Variants in LTBP1 observed in about 807,000 individuals in gnomAD.
LTBP1 encodes the protein latent transforming growth factor beta binding protein 1.
LTBP1 carries 129 observed loss-of-function variants against 207.6 expected under a neutral mutation model. The observed-to-expected ratio is 0.62, with a 90% CI of 0.54 to 0.72. The LOEUF (loss-of-function observed/expected upper bound fraction) is 0.72. Among genes scored for constraint, LTBP1 ranks in the 30% least tolerant of loss-of-function variants. The pLI, the probability that LTBP1 is intolerant of heterozygous loss-of-function variation, is 0.00. For missense variants in LTBP1, 2,281 were observed against 2,217.2 expected (o/e 1.03, Z -0.58); for synonymous variants, 963 against 833.7 (o/e 1.16, Z -2.67).
Position 33,180,460 on chromosome 2 carries a change from T to G in LTBP1, c.1202-6396T>G, listed in dbSNP as rs1481571203. ...TTTTGTGTAGCGTGGCATAGTTTTT[T>G]TTTTTTTTTTTGACAGGGTCTCACT... On this transcript the variant is annotated intron_variant, in intron 5 of 33. Transcript: ENST00000404816. Among the ~76,000 whole-genome samples, 4 of 151,696 alleles carry G rather than the reference T, an allele frequency of 2.6e-5. 1 individual carries two copies. The highest frequency in any genetic ancestry group is 9.7e-5 in the African/African-American group (4 of 41,414).
At chr2:32,983,615 T>A (rs1683099716) in intron 2 of LTBP1, among the ~76,000 whole-genome samples, 1 of 152,208 alleles carries the variant, frequency 6.6e-6, no homozygotes, top group Non-Finnish European at 1.5e-5. Context: ...TGGTGGGAAG[T>A]AATTGAATCA....
intron 31 of LTBP1, among the ~76,000 whole-genome samples, chr2:33,385,007 T>A (rs1024131541): frequency 1.3e-5 from 2 of 152,234 alleles, no homozygotes; most frequent in South Asian, 2.1e-4. Flanking sequence ...TTCTCTTCTG[T>A]TAACTTATTC....
intron 19 of LTBP1, among the ~76,000 whole-genome samples, chr2:33,289,684 CA>C (rs1202986295): frequency 6.6e-6 from 1 of 152,094 alleles, no homozygotes; most frequent in African/African-American, 2.4e-5. Flanking sequence ...TTTTTTTTAT[CA>C]ACACTGTTTT....
rs762937739 is a variant in LTBP1 at position 33,398,518 on chromosome 2, T to C, written c.5139T>C (p.Asn1713=). The change falls in exon 34 of 34, where the codon AAT becomes AAC. Residue 1713 remains asparagine, a synonymous_variant. Transcript: ENST00000404816. ...NYCTPLNTAL[N]LEKDSDLE is the part of the protein sequence containing the mutation. ...GCACTCCGTTGAATACCGCCTTGAATTTAGAGAAAGACAGTGACCTGGAGT... is the reference window on the plus strand; with the variant it reads ...GCACTCCGTTGAATACCGCCTTGAACTTAGAGAAAGACAGTGACCTGGAGT... 4 of 1,614,000 alleles carry C rather than the reference T, an allele frequency of 2.5e-6. No individual in the cohort carries two copies. In the African/African-American group the frequency reaches 5.3e-5, roughly 22 times the overall value.
chr2:33,026,229 G>T (rs1254834927), intron 3 of LTBP1, among the ~76,000 whole-genome samples: 1 of 152,062 alleles, frequency 6.6e-6, no homozygotes, highest in Non-Finnish European at 1.5e-5. Context: ...TCAGACTGTA[G>T]GAGGGGACCT....
chr2:32,953,492 A>G (rs1677536948), intron 2 of LTBP1, among the ~76,000 whole-genome samples: 4 of 152,246 alleles, frequency 2.6e-5, no homozygotes, highest in Admixed American at 2.0e-4. Context: ...GTCATGTGAC[A>G]CAGACAACCT....
At position 32,972,695 on chromosome 2, in the gene LTBP1, G is replaced by A. The variant is rs1024308419; in HGVS notation, c.565+23750G>A. ...TCATGGGGATGGTTTCTCCCATGCT[G>A]TTCTTGTGATAGTGAGGGAGTTCTC... On this transcript the variant is annotated intron_variant, in intron 2 of 33. Transcript: ENST00000404816. 3.9e-5 allele frequency among the ~76,000 whole-genome samples: 6 copies of A among 152,252 alleles called. No individual in the cohort carries two copies. In the East Asian group the frequency reaches 7.7e-4, roughly 20 times the overall value.
chr2:32,952,644 T>G (rs1163765223), intron 2 of LTBP1, among the ~76,000 whole-genome samples: 2 of 149,432 alleles, frequency 1.3e-5, no homozygotes, highest in African/African-American at 4.9e-5. Flanking sequence ...ATTTTTGTAG[T>G]TTTTTTTTTC....
intron 2 of LTBP1, among the ~76,000 whole-genome samples, chr2:32,969,092 A>G (rs1243990537): frequency 6.6e-6 from 1 of 151,228 alleles, no homozygotes; most frequent in Non-Finnish European, 1.5e-5. Flanking sequence ...TGCCTGGCTA[A>G]TTTTTGTATT....
At chr2:33,192,719 G>A (rs1002761056) in intron 7 of LTBP1, among the ~76,000 whole-genome samples, 1 of 152,184 alleles carries the variant, frequency 6.6e-6, no homozygotes, top group Non-Finnish European at 1.5e-5. Flanking sequence ...TTATAACAGA[G>A]TGTCACAGAC....
At chr2:33,102,942 A>G (rs1026681035) in intron 3 of LTBP1, among the ~76,000 whole-genome samples, 4 of 149,750 alleles carry the variant, frequency 2.7e-5, no homozygotes, top group Non-Finnish European at 5.9e-5. Context: ...TGCTGTATTC[A>G]TTGTCGGCAT....
intron 15 of LTBP1, among the ~76,000 whole-genome samples, chr2:33,273,326 C>T (rs1012536354): frequency 1.3e-5 from 2 of 152,120 alleles, no homozygotes; most frequent in South Asian, 2.1e-4. Flanking sequence ...AATAGAAACT[C>T]ATTAATAGGC....
At chr2:33,034,458 T>C (rs917770377) in intron 3 of LTBP1, among the ~76,000 whole-genome samples, 5 of 151,998 alleles carry the variant, frequency 3.3e-5, no homozygotes, top group African/African-American at 1.2e-4. Context: ...ATAAACTAGC[T>C]GAAGGGAGTT....
At chr2:33,344,770 C>G (rs1225705682) in intron 25 of LTBP1, among the ~76,000 whole-genome samples, 1 of 152,234 alleles carries the variant, frequency 6.6e-6, no homozygotes, top group Non-Finnish European at 1.5e-5. Context: ...TTTCTCACTT[C>G]TCCCTGGGCA....
intron 2 of LTBP1, among the ~76,000 whole-genome samples, chr2:33,008,595 T>G (rs1024696455): frequency 1.2e-4 from 18 of 152,228 alleles, no homozygotes; most frequent in Admixed American, 4.6e-4. Context: ...CATTCATGCA[T>G]TTACTCCTTC....
At chr2:33,066,334 G>C (rs533020764) in intron 3 of LTBP1, among the ~76,000 whole-genome samples, 1 of 152,294 alleles carries the variant, frequency 6.6e-6, no homozygotes, top group South Asian at 2.1e-4. Context: ...ACTGCATGTA[G>C]CTCTGTGATC....
intron 3 of LTBP1, among the ~76,000 whole-genome samples, chr2:33,044,403 T>C (rs2076345250): frequency 6.6e-6 from 1 of 152,192 alleles, no homozygotes; most frequent in African/African-American, 2.4e-5. Context: ...CTGAGAATGA[T>C]GGTTTCTAGC....
chr2:32,998,230 G>A (rs1171945153), intron 2 of LTBP1, among the ~76,000 whole-genome samples: 1 of 151,988 alleles, frequency 6.6e-6, no homozygotes, highest in African/African-American at 2.4e-5. Flanking sequence ...AAAAACCATG[G>A]TTGTTGGCTG....
At chr2:33,283,679 A>G (rs1030710306) in intron 19 of LTBP1, among the ~76,000 whole-genome samples, 1 of 151,636 alleles carries the variant, frequency 6.6e-6, no homozygotes, top group African/African-American at 2.4e-5. Flanking sequence ...CTCGTGATCC[A>G]CCCGCCTCGG....
Sources: allele counts gnomAD v4.1 joint callset (sites outside exome capture counted in the v4.1 genomes callset), GRCh38; gene constraint gnomAD v4.1.1; transcripts MANE v1.5; gene names NCBI Gene and HGNC (gene_info 2026-07-23, HGNC 2026-07-21).